The following PTH2R variants were observed in gnomAD, a reference collection of about 807,000 sequenced individuals.
PTH2R encodes PTH2 receptor.
A neutral mutation model predicts 60.3 loss-of-function variants in PTH2R; 59 were observed. The observed-to-expected ratio is 0.98, with a 90% CI of 0.79 to 1.22. PTH2R has a LOEUF of 1.22. PTH2R is among the 50% of genes most tolerant of loss of function. The pLI is 0.00. For synonymous variants in PTH2R, 256 were observed against 243.8 expected (o/e 1.05, Z -0.47); for missense variants, 749 against 682.6 (o/e 1.10, Z -1.08).
chr2:208,475,663 C>A (rs1478040647), intron 9 of PTH2R, among the ~76,000 whole-genome samples: 1 of 152,142 alleles, frequency 6.6e-6, no homozygotes, highest in African/African-American at 2.4e-5. Context: ...AGAGAACTAA[C>A]GTAACTGACA....
intron 6 of PTH2R, 24 bp from the exon 7 acceptor site, chr2:208,444,710 G>A: frequency 6.2e-7 from 1 of 1,606,816 alleles, no homozygotes; most frequent in Non-Finnish European, 8.5e-7. Context: ...CTAATATGAT[G>A]AAATTCTGGT....
intron 1 of PTH2R, among the ~76,000 whole-genome samples, chr2:208,386,671 G>T (rs1342029873): frequency 1.3e-5 from 2 of 152,148 alleles, no homozygotes; most frequent in East Asian, 3.9e-4. Flanking sequence ...TTAGTTTCTG[G>T]TGAGAGCAGT....
At chr2:208,428,810 C>T (rs901188521) in intron 2 of PTH2R, among the ~76,000 whole-genome samples, 6 of 152,200 alleles carry the variant, frequency 3.9e-5, no homozygotes, top group African/African-American at 1.2e-4. Context: ...GACAGCCGGG[C>T]ACGGTGGCTC....
chr2:208,458,181 A>C (rs768359249), intron 8 of PTH2R, among the ~76,000 whole-genome samples: 1 of 152,142 alleles, frequency 6.6e-6, no homozygotes, highest in African/African-American at 2.4e-5. Context: ...TTTGAATTCA[A>C]TTGATGTCAG....
intron 1 of PTH2R, among the ~76,000 whole-genome samples, chr2:208,397,554 C>G (rs1288043861): frequency 6.6e-6 from 1 of 152,216 alleles, no homozygotes; most frequent in South Asian, 2.1e-4. Context: ...GGAAGAGGCT[C>G]CCTCTGTACA....
At chr2:208,490,742 T>C in intron 12 of PTH2R, 62 bp downstream of exon 12, 1 of 1,434,140 alleles carries the variant, frequency 7.0e-7, no homozygotes, top group Non-Finnish European at 9.4e-7. Flanking sequence ...TCACAATGTA[T>C]CCTGAATCTC....
At chr2:208,359,915 G>A (rs1700410242) in exon 1 of PTH2R, 1 of 229,984 alleles carries the variant, frequency 4.3e-6, no homozygotes, top group South Asian at 4.8e-5. Flanking sequence ...GAGACCGGGA[G>A]GTGGCAGATC....
Position 208,493,931 on chromosome 2 carries a change from C to A in PTH2R, c.*272C>A, listed in dbSNP as rs573787434. 4 of 288,022 alleles carry A rather than the reference C, an allele frequency of 1.4e-5. No individual in the cohort carries two copies. In the South Asian group the frequency reaches 4.6e-4, roughly 33 times the overall value. 17.8% of individuals were successfully genotyped at this position (288,022 alleles called of 1,614,324 possible). On this transcript the variant is annotated 3_prime_UTR_variant, in exon 13 of 13. Transcript: ENST00000272847. ...CTCTGTGATTGTTCATTTTTTTCTGCTACTTTTGGGTAGAAAAAAGATTCA... is the reference window on the plus strand; with the variant it reads ...CTCTGTGATTGTTCATTTTTTTCTGATACTTTTGGGTAGAAAAAAGATTCA...
chr2:208,437,388 T>C, intron 2 of PTH2R, 149 bp from the exon 3 acceptor site: 1 of 580,044 alleles, frequency 1.7e-6, no homozygotes, highest in Non-Finnish European at 3.0e-6. Context: ...ATTTGCATCA[T>C]ATCTATTCTA....
intron 8 of PTH2R, among the ~76,000 whole-genome samples, chr2:208,454,714 C>T (rs1228898947): frequency 2.0e-5 from 3 of 152,182 alleles, no homozygotes; most frequent in Non-Finnish European, 4.4e-5. Context: ...CCTATATATG[C>T]AGTAATGCCA....
rs143585376 is a variant in PTH2R, at chr2:208,364,641, T to G, written c.-259+4404T>G. 2.6e-3 allele frequency among the ~76,000 whole-genome samples: 401 copies of G among 152,306 alleles called. 1 individual carries two copies. The highest frequency in any genetic ancestry group is 8.7e-3 in the African/African-American group (363 of 41,558). On this transcript the variant is annotated intron_variant, in intron 1 of 12. Coordinates refer to the PTH2R transcript ENST00000617735. ...TTTTATTCTTCTTTTTCAAAATTGT[T>G]TGACTCTTAGGGCCCTTTGAGATTC... is the stretch of plus-strand genomic sequence containing the variant.
intron 1 of PTH2R, among the ~76,000 whole-genome samples, chr2:208,364,603 C>T (rs1026203334): frequency 2.6e-5 from 4 of 152,038 alleles, no homozygotes; most frequent in African/African-American, 7.2e-5. Context: ...GTCTTTATTC[C>T]AGTACCACAC....
intron 1 of PTH2R, among the ~76,000 whole-genome samples, chr2:208,377,060 G>A (rs1700806440): frequency 6.6e-6 from 1 of 151,892 alleles, no homozygotes. Flanking sequence ...TGAGATTAGG[G>A]AGTGGTGATG....
intron 9 of PTH2R, among the ~76,000 whole-genome samples, chr2:208,471,703 G>C (rs1370249190): frequency 6.6e-6 from 1 of 152,258 alleles, no homozygotes; most frequent in Non-Finnish European, 1.5e-5. Context: ...GCCACACAGA[G>C]TCCCTAATGG....
chr2:208,399,880 TAGAGA>T (rs1439513988), intron 1 of PTH2R, among the ~76,000 whole-genome samples: 3 of 152,200 alleles, frequency 2.0e-5, no homozygotes, highest in Non-Finnish European at 4.4e-5. Context: ...TCCTTTCTGA[TAGAGA>T]AAAGTTCATA....
intron 9 of PTH2R, 124 bp downstream of exon 9, chr2:208,460,085 A>G (rs907750170): frequency 1.3e-6 from 1 of 778,100 alleles, no homozygotes; most frequent in Non-Finnish European, 2.1e-6. Context: ...GTACAGCAAC[A>G]TCTATTGGGA....
At chr2:208,488,744 G>C (rs568082025) in intron 10 of PTH2R, among the ~76,000 whole-genome samples, 18 of 152,134 alleles carry the variant, frequency 1.2e-4, no homozygotes, top group Non-Finnish European at 2.2e-4. Context: ...AGGCATGGTG[G>C]CAAGCACCTG....
upstream of PTH2R, among the ~76,000 whole-genome samples, chr2:208,404,865 T>C (rs780901666): frequency 3.9e-5 from 6 of 152,190 alleles, no homozygotes; most frequent in Non-Finnish European, 8.8e-5. Flanking sequence ...CTAAGTTCTT[T>C]CCAAATTTAA....
intron 1 of PTH2R, among the ~76,000 whole-genome samples, chr2:208,364,444 G>A (rs57668434): frequency 6.6e-6 from 1 of 152,208 alleles, no homozygotes; most frequent in East Asian, 1.9e-4. Flanking sequence ...TGTTTTGCAT[G>A]TAAATATCCA....
Sources: gnomAD v4.1 joint callset for allele counts (sites outside exome capture counted in the v4.1 genomes callset) on GRCh38, gnomAD v4.1.1 for gene constraint, MANE v1.5 for transcripts, NCBI Gene and HGNC (gene_info 2026-07-23, HGNC 2026-07-21) for gene names.